The following NOL4 variants were observed in gnomAD, a reference collection of about 807,000 sequenced individuals.
The protein encoded by NOL4 is nucleolar protein 4.
Under a neutral mutation model 75.9 loss-of-function variants are expected in NOL4, and 17 were observed. That is an observed-to-expected ratio of 0.22 (90% CI 0.15 to 0.34). NOL4 has a LOEUF of 0.34. Ranked by LOEUF, NOL4 falls within the 10% of genes least tolerant of loss-of-function variation. The pLI is 1.00. For synonymous variants in NOL4, 292 were observed against 289.9 expected (o/e 1.01, Z -0.07); for missense variants, 614 against 793.5 (o/e 0.77, Z 2.72).
intron 6 of NOL4, among the ~76,000 whole-genome samples, chr18:33,959,726 A>G (rs2069948453): frequency 6.6e-6 from 1 of 152,108 alleles, no homozygotes; most frequent in African/African-American, 2.4e-5. Context: ...CTGCATACCT[A>G]GTCAATTGGT....
intron 9 of NOL4, among the ~76,000 whole-genome samples, chr18:33,888,578 C>G (rs2064905298): frequency 6.6e-6 from 1 of 151,974 alleles, no homozygotes; most frequent in Admixed American, 6.6e-5. Flanking sequence ...TTTAATTTTC[C>G]TTGAGTTAAT....
At chr18:34,104,201 C>A (rs368410105) in intron 3 of NOL4, 42 bp from the exon 4 acceptor site, 2 of 1,097,632 alleles carry the variant, frequency 1.8e-6, no homozygotes, top group African/African-American at 3.1e-5. Context: ...AGTAATACTG[C>A]ATTCTACCTG....
intron 5 of NOL4, among the ~76,000 whole-genome samples, chr18:34,049,589 A>T (rs921882542): frequency 3.9e-5 from 6 of 152,054 alleles, no homozygotes; most frequent in African/African-American, 1.4e-4. Flanking sequence ...CAGTTTACTC[A>T]ATCACTCTGA....
intron 9 of NOL4, among the ~76,000 whole-genome samples, chr18:33,915,703 T>C (rs1240835567): frequency 2.0e-5 from 3 of 152,148 alleles, no homozygotes; most frequent in Non-Finnish European, 4.4e-5. Context: ...TTTTGTGTCA[T>C]GAAATAGCGT....
At chr18:34,221,222 GTTTC>G (rs1286425032) in intron 1 of NOL4, 1 of 152,076 alleles carries the variant, frequency 6.6e-6, no homozygotes, top group African/African-American at 2.4e-5. Flanking sequence ...AACTAACAGT[GTTTC>G]TTTAAAACAT....
chr18:33,999,270 C>T (rs1473930409), intron 6 of NOL4, among the ~76,000 whole-genome samples: 6 of 151,500 alleles, frequency 4.0e-5, no homozygotes, highest in Non-Finnish European at 5.9e-5. Context: ...ACCTCTGCCT[C>T]TTGAGTAGCT....
intron 4 of NOL4, among the ~76,000 whole-genome samples, chr18:34,094,598 C>G (rs1027161072): frequency 2.0e-5 from 3 of 152,134 alleles, no homozygotes; most frequent in Non-Finnish European, 4.4e-5. Context: ...GATTTTTGGA[C>G]AAATGGTATA....
At chr18:33,996,881 A>G (rs186504629) in intron 6 of NOL4, among the ~76,000 whole-genome samples, 2,019 of 148,034 alleles carry the variant, frequency 0.014, 42 homozygotes, top group African/African-American at 0.047. Flanking sequence ...ACAGGTACAT[A>G]TGTCTTTTTG....
chr18:34,113,665 T>C (rs2079717055), intron 2 of NOL4, among the ~76,000 whole-genome samples: 1 of 152,074 alleles, frequency 6.6e-6, no homozygotes, highest in South Asian at 2.1e-4. Flanking sequence ...AACAGTGTCC[T>C]GTCTTTGGAA....
At chr18:34,013,493 G>A (rs2074497648) in intron 6 of NOL4, among the ~76,000 whole-genome samples, 1 of 151,850 alleles carries the variant, frequency 6.6e-6, no homozygotes, top group African/African-American at 2.4e-5. Context: ...TAAAATCCAA[G>A]CTTCAAAAGG....
intron 1 of NOL4, among the ~76,000 whole-genome samples, chr18:34,205,045 A>G (rs1172499639): frequency 2.0e-5 from 3 of 152,142 alleles, no homozygotes; most frequent in Non-Finnish European, 4.4e-5. Flanking sequence ...AAGGCATTCC[A>G]TCCTTACTGC....
At chr18:34,024,194 A>AAATATAT in intron 5 of NOL4, among the ~76,000 whole-genome samples, 19 of 70,678 alleles carry the variant, frequency 2.7e-4, no homozygotes, top group African/African-American at 4.2e-4. Flanking sequence ...AAAAAAAAAA[A>AAATATAT]ATATATATAT....
At chr18:34,014,997 A>G (rs185225513) in intron 6 of NOL4, among the ~76,000 whole-genome samples, 26 of 152,138 alleles carry the variant, frequency 1.7e-4, no homozygotes, top group Admixed American at 1.7e-3. Context: ...CACATATTCT[A>G]TATAATTAAG....
intron 9 of NOL4, among the ~76,000 whole-genome samples, chr18:33,939,856 C>G (rs2068345594): frequency 6.6e-6 from 1 of 151,970 alleles, no homozygotes; most frequent in Non-Finnish European, 1.5e-5. Context: ...TGCTGGTTTT[C>G]AAAAGGAATG....
chr18:34,112,290 A>G (rs1293192275), intron 2 of NOL4, among the ~76,000 whole-genome samples: 1 of 151,708 alleles, frequency 6.6e-6, no homozygotes, highest in East Asian at 1.9e-4. Context: ...AATCACTTGA[A>G]CCCGGGAGGC....
At chr18:34,137,410 A>T (rs1320970666) in intron 1 of NOL4, among the ~76,000 whole-genome samples, 1 of 152,190 alleles carries the variant, frequency 6.6e-6, no homozygotes, top group Non-Finnish European at 1.5e-5. Context: ...ACTTACATCC[A>T]TAATATATGA....
intron 10 of NOL4, among the ~76,000 whole-genome samples, chr18:33,853,605 A>T (rs944089077): frequency 2.6e-5 from 4 of 152,000 alleles, no homozygotes; most frequent in Non-Finnish European, 2.9e-5. Flanking sequence ...TATTATTATT[A>T]TTTTTCATTT....
rs560001961 is a variant in NOL4, at chr18:33,904,655, G to C, written c.1543-21231C>G. 8.5e-5 allele frequency among the ~76,000 whole-genome samples: 13 copies of C among 152,266 alleles called. No homozygotes were observed. The South Asian group carries it at 2.7e-3, about 32-fold the overall frequency. ...TGTTACCTGTATGTTTTGTAAATAT[G>C]CCTGTGTTAGGACTGCCTTTATAAA... On this transcript the variant is annotated intron_variant, in intron 9 of 10. Coordinates refer to ENST00000261592, the MANE Select transcript of NOL4 (RefSeq NM_003787.5).
intron 6 of NOL4, among the ~76,000 whole-genome samples, chr18:33,971,605 T>C (rs1182145371): frequency 6.6e-6 from 1 of 152,194 alleles, no homozygotes; most frequent in Non-Finnish European, 1.5e-5. Context: ...GTAAGTGATG[T>C]TGGGAGACCT....
Sources: allele counts gnomAD v4.1 joint callset (sites outside exome capture counted in the v4.1 genomes callset), GRCh38; gene constraint gnomAD v4.1.1; transcripts MANE v1.5; gene names NCBI Gene and HGNC (gene_info 2026-07-23, HGNC 2026-07-21).